CDK13: variants seen among roughly 807,000 people sequenced by gnomAD.
The protein encoded by CDK13 is cyclin dependent kinase 13, also known as cyclin-dependent kinase 13.
A neutral mutation model predicts 137.6 loss-of-function variants in CDK13; 40 were observed. The observed-to-expected ratio is 0.29, with a 90% CI of 0.23 to 0.38. The LOEUF is 0.38. CDK13 is among the 10% of genes least tolerant of loss of function. The pLI, the probability that CDK13 is intolerant of heterozygous loss-of-function variation, is 1.00. For missense variants in CDK13, 1,704 were observed against 1,951.8 expected (o/e 0.87, Z 2.39); for synonymous variants, 869 against 760.1 (o/e 1.14, Z -2.36).
At chr7:40,000,036 C>T (rs930879653) in intron 4 of CDK13, among the ~76,000 whole-genome samples, 15 of 152,038 alleles carry the variant, frequency 9.9e-5, no homozygotes, top group African/African-American at 3.6e-4. Flanking sequence ...CTTAATAATG[C>T]ATAGAGCTAG....
chr7:39,961,490 C>T (rs1212447340), intron 1 of CDK13, among the ~76,000 whole-genome samples: 1 of 152,184 alleles, frequency 6.6e-6, no homozygotes, highest in Non-Finnish European at 1.5e-5. Context: ...ATCAACATCT[C>T]CCTTTCCCTA....
At chr7:39,970,416 A>G (rs1783971540) in intron 1 of CDK13, among the ~76,000 whole-genome samples, 1 of 152,022 alleles carries the variant, frequency 6.6e-6, no homozygotes, top group Non-Finnish European at 1.5e-5. Context: ...TAATGTTAAC[A>G]TTATGATAGC....
At chr7:40,020,283 G>A (rs1473015995) in intron 5 of CDK13, among the ~76,000 whole-genome samples, 2 of 151,994 alleles carry the variant, frequency 1.3e-5, no homozygotes, top group African/African-American at 2.4e-5. Context: ...GCCCAAACTG[G>A]TCTCCAACTC....
chr7:40,043,182 G>T (rs1473556425), intron 5 of CDK13, among the ~76,000 whole-genome samples: 1 of 152,010 alleles, frequency 6.6e-6, no homozygotes, highest in Admixed American at 6.6e-5. Context: ...ATTTTTCTTT[G>T]ATGTAACTGT....
At chr7:40,059,174 A>G (rs1786085834) in intron 7 of CDK13, 2 of 152,158 alleles carry the variant, frequency 1.3e-5, no homozygotes, top group Admixed American at 1.3e-4. Flanking sequence ...GTTTTTCTAT[A>G]TATATCTAGA....
chr7:40,056,430 C>G (rs950022393), intron 7 of CDK13, among the ~76,000 whole-genome samples: 1 of 152,114 alleles, frequency 6.6e-6, no homozygotes, highest in Non-Finnish European at 1.5e-5. Context: ...CTGGCTTTAT[C>G]CCCTTTCTCT....
Position 39,992,103 on chromosome 7 carries a change from ACG to A in CDK13, c.1871+3847_1871+3848del, listed in dbSNP as rs1180782578. On this transcript the variant is annotated intron_variant, in intron 2 of 13. Coordinates refer to ENST00000181839, the MANE Select transcript of CDK13 (RefSeq NM_003718.5). ...CACACACACACACACACACACACAC[ACG>A]CACACACACACACAAGCACACACGC... Among the ~76,000 whole-genome samples, 365 of 97,162 alleles carry A rather than the reference ACG, an allele frequency of 3.8e-3. 1 individual carries two copies. Among genetic ancestry groups the A allele is most frequent in the African/African-American group, 0.029 (331 of 11,244 alleles). The allele number at this position is 97,162 out of a possible 152,430, so 63.7% of individuals were successfully genotyped here.
chr7:40,065,376 C>G (rs1273737677), intron 9 of CDK13, among the ~76,000 whole-genome samples: 1 of 151,998 alleles, frequency 6.6e-6, no homozygotes, highest in African/African-American at 2.4e-5. Flanking sequence ...GTTGTCCAGT[C>G]TTTTGGTTTC....
chr7:40,090,434 A>G (rs928437541), intron 12 of CDK13, among the ~76,000 whole-genome samples: 8 of 152,168 alleles, frequency 5.3e-5, no homozygotes, highest in Admixed American at 1.3e-4. Flanking sequence ...GCTCACTGCA[A>G]TCTCCGCCTC....
At chr7:40,021,091 G>A (rs12701790) in intron 5 of CDK13, among the ~76,000 whole-genome samples, 79,823 of 112,796 alleles carry the variant, frequency 0.71, 23,761 homozygotes, top group African/African-American at 0.82. Context: ...TTCCATCTCA[G>A]AGCAAACAAA....
chr7:40,002,524 T>C (rs957441761), intron 5 of CDK13, among the ~76,000 whole-genome samples: 1 of 152,244 alleles, frequency 6.6e-6, no homozygotes, highest in African/African-American at 2.4e-5. Flanking sequence ...TGACAAAAAA[T>C]TAGCCTGCTT....
rs1217775751 is a variant in CDK13 at position 40,097,146 on chromosome 7, T to C, written c.*2166T>C. The C allele has an allele frequency of 6.6e-6, 1 of 152,254 alleles. No individual in the cohort carries two copies. The highest frequency in any genetic ancestry group is 1.9e-4 in the East Asian group (1 of 5,188). The allele number at this position is 152,254 out of a possible 1,614,324, so 9.4% of individuals were successfully genotyped here. On this transcript the variant is annotated 3_prime_UTR_variant, in exon 14 of 14. Transcript: ENST00000181839. The stretch of plus-strand genomic sequence containing the variant: ...TATATAAAATTGAACTGTGTTTGGA[T>C]AGTTTTTCTAATCAAACATTTCAGT...
At chr7:39,957,308 T>TA (rs1562696544) in intron 1 of CDK13, among the ~76,000 whole-genome samples, 25 of 84,064 alleles carry the variant, frequency 3.0e-4, no homozygotes, top group Middle Eastern at 0.011. Context: ...TAGTTTTTTT[T>TA]CCTGTGCCCC....
chr7:39,974,179 G>C (rs1784057282), intron 1 of CDK13, among the ~76,000 whole-genome samples: 1 of 152,082 alleles, frequency 6.6e-6, no homozygotes, highest in South Asian at 2.1e-4. Flanking sequence ...CATCACTACA[G>C]AACTGCAATA....
intron 5 of CDK13, among the ~76,000 whole-genome samples, chr7:40,005,832 C>T (rs1784787229): frequency 6.6e-6 from 1 of 152,142 alleles, no homozygotes. Flanking sequence ...GGCAGTCCTC[C>T]TGCCTCAGCC....
chr7:39,981,835 AG>A (rs1784230787), intron 1 of CDK13, among the ~76,000 whole-genome samples: 1 of 145,414 alleles, frequency 6.9e-6, no homozygotes, highest in Non-Finnish European at 1.5e-5. Flanking sequence ...TCTGTCACCC[AG>A]GCTGGAGTGC....
intron 5 of CDK13, among the ~76,000 whole-genome samples, chr7:40,044,875 A>C (rs1280668249): frequency 6.6e-6 from 1 of 152,030 alleles, no homozygotes; most frequent in East Asian, 1.9e-4. Context: ...TGACCTCATG[A>C]TCCGCCCACC....
intron 1 of CDK13, chr7:39,986,897 C>T (rs1241211100): frequency 2.0e-5 from 3 of 152,150 alleles, no homozygotes; most frequent in Non-Finnish European, 1.5e-5. Flanking sequence ...AAGTAATTCT[C>T]CTGCCCTAGC....
At chr7:40,072,712 A>T (rs1049030254) in intron 9 of CDK13, 7 of 152,232 alleles carry the variant, frequency 4.6e-5, no homozygotes, top group African/African-American at 1.7e-4. Flanking sequence ...TCAGTCTTAC[A>T]TACGAATACT....
Sources: gnomAD v4.1 joint callset for allele counts (sites outside exome capture counted in the v4.1 genomes callset) on GRCh38, gnomAD v4.1.1 for gene constraint, MANE v1.5 for transcripts, NCBI Gene and HGNC (gene_info 2026-07-23, HGNC 2026-07-21) for gene names.